Variants in LPAR3 observed in about 807,000 individuals in gnomAD.
The protein encoded by LPAR3 is LPA receptor 3.
LPAR3 carries 7 observed loss-of-function variants against 17.8 expected under a neutral mutation model. The observed-to-expected ratio is 0.39, with a 90% CI of 0.22 to 0.74. The LOEUF is 0.74. Among genes scored for constraint, LPAR3 ranks in the 30% least tolerant of loss-of-function variants. The pLI, the probability that LPAR3 is intolerant of heterozygous loss-of-function variation, is 0.40. For missense variants in LPAR3, 391 were observed against 453.4 expected, an observed-to-expected ratio of 0.86 and a Z score of 1.25; for synonymous variants, 179 against 179.9, an observed-to-expected ratio of 0.99 and a Z score of 0.04.
intron 2 of LPAR3, among the ~76,000 whole-genome samples, chr1:84,817,576 C>T (rs912412822): frequency 5.3e-5 from 8 of 152,182 alleles, no homozygotes; most frequent in African/African-American, 1.9e-4. Flanking sequence ...CTTAAGGCAA[C>T]ATCTCTGAAG....
intron 2 of LPAR3, among the ~76,000 whole-genome samples, chr1:84,817,385 G>C (rs1658956890): frequency 6.6e-6 from 1 of 152,078 alleles, no homozygotes; most frequent in Non-Finnish European, 1.5e-5. Context: ...AGAGCCTAGG[G>C]TGTGGAGGTG....
rs546531100 is a variant in LPAR3, at chr1:84,852,233, C to T, written c.736+13152G>A. On this transcript the variant is annotated intron_variant, in intron 2 of 2. Transcript: ENST00000370611. ...GAGTAGTTGGGACTACAGGTGTGCA[C>T]CACCACGCCTGGCTAATTTTTGTAT... 1.8e-4 allele frequency among the ~76,000 whole-genome samples: 28 copies of T among 151,780 alleles called. No homozygotes were observed. In the South Asian group the frequency reaches 3.6e-3, roughly 19 times the overall value.
intron 2 of LPAR3, among the ~76,000 whole-genome samples, chr1:84,838,194 A>G (rs1659441083): frequency 6.6e-6 from 1 of 152,196 alleles, no homozygotes; most frequent in African/African-American, 2.4e-5. Context: ...TCTGACGGTG[A>G]GGATCACTGT....
chr1:84,824,665 G>A (rs1659119100), intron 2 of LPAR3, among the ~76,000 whole-genome samples: 1 of 152,196 alleles, frequency 6.6e-6, no homozygotes, highest in Non-Finnish European at 1.5e-5. Context: ...TGTGGAAAGT[G>A]TCCAACACAG....
chr1:84,821,326 C>A (rs141833236), intron 2 of LPAR3, among the ~76,000 whole-genome samples: 3 of 152,314 alleles, frequency 2.0e-5, no homozygotes, highest in East Asian at 3.9e-4. Context: ...CACGTCCACA[C>A]ACTGAGGCCC....
intron 1 of LPAR3, among the ~76,000 whole-genome samples, chr1:84,869,842 A>C (rs1464447996): frequency 6.6e-6 from 1 of 152,230 alleles, no homozygotes; most frequent in African/African-American, 2.4e-5. Context: ...TTATTCTTAC[A>C]AGCACAGCAC....
intron 1 of LPAR3, among the ~76,000 whole-genome samples, chr1:84,879,482 T>A (rs1660323418): frequency 1.3e-5 from 2 of 151,992 alleles, no homozygotes. Flanking sequence ...CAGCTACTTT[T>A]TTGTATTTTT....
intron 2 of LPAR3, among the ~76,000 whole-genome samples, chr1:84,857,547 T>G (rs1389849412): frequency 6.6e-6 from 1 of 152,212 alleles, no homozygotes; most frequent in East Asian, 1.9e-4. Context: ...AGCTGTCATT[T>G]TCCAGGAGAT....
At chr1:84,879,767 C>T (rs1660328705) in intron 1 of LPAR3, among the ~76,000 whole-genome samples, 5 of 152,168 alleles carry the variant, frequency 3.3e-5, no homozygotes, top group Admixed American at 3.3e-4. Flanking sequence ...ATGAAGTGTG[C>T]TGCTGCCAGG....
chr1:84,851,888 C>T (rs902568208), intron 2 of LPAR3, among the ~76,000 whole-genome samples: 3 of 152,068 alleles, frequency 2.0e-5, no homozygotes, highest in African/African-American at 7.2e-5. Flanking sequence ...GCTAACTGTG[C>T]TTTTTAGGAA....
intron 1 of LPAR3, among the ~76,000 whole-genome samples, chr1:84,884,829 T>C (rs556544611): frequency 2.3e-4 from 35 of 152,326 alleles, no homozygotes; most frequent in African/African-American, 8.2e-4. Context: ...CTTCCCTCTG[T>C]TGGATGTTCC....
At chr1:84,867,998 T>C (rs1028508392) in intron 1 of LPAR3, among the ~76,000 whole-genome samples, 8 of 152,228 alleles carry the variant, frequency 5.3e-5, no homozygotes, top group African/African-American at 1.4e-4. Flanking sequence ...AATCTTTATA[T>C]ATCTAGCCAA....
In LPAR3 at chr1:84,851,121, A is replaced by T. The variant is rs536062839; in HGVS notation, c.736+14264T>A. Among the ~76,000 whole-genome samples the T allele has an allele frequency of 5.3e-5, 8 of 152,350 alleles. No homozygotes were observed. The South Asian group carries it at 1.2e-3, about 24-fold the overall frequency. On this transcript the variant is annotated intron_variant, in intron 2 of 2. Coordinates refer to ENST00000370611, the MANE Select transcript of LPAR3 (RefSeq NM_012152.3). ...AATGGCAGCATCACCTTCTAAGAGGATTAAACAGAGTATGTATAAATGCCT... is the reference window on the plus strand; with the variant it reads ...AATGGCAGCATCACCTTCTAAGAGGTTTAAACAGAGTATGTATAAATGCCT...
chr1:84,842,803 T>C (rs992176039), intron 2 of LPAR3, among the ~76,000 whole-genome samples: 6 of 152,200 alleles, frequency 3.9e-5, no homozygotes, highest in African/African-American at 1.4e-4. Context: ...TTTCAAAGTC[T>C]TCCAGGGGTG....
chr1:84,885,899 G>T (rs747725800), intron 1 of LPAR3, among the ~76,000 whole-genome samples: 1 of 152,214 alleles, frequency 6.6e-6, no homozygotes, highest in Non-Finnish European at 1.5e-5. Flanking sequence ...GGGAAGAACA[G>T]AAAGCTCTTT....
chr1:84,836,674 A>G (rs1353782269), intron 2 of LPAR3, among the ~76,000 whole-genome samples: 1 of 152,228 alleles, frequency 6.6e-6, no homozygotes, highest in Admixed American at 6.5e-5. Flanking sequence ...TGAAGCTGAG[A>G]TGGCCTTTCA....
chr1:84,836,006 C>CTTTTTTTTT (rs34491570), intron 2 of LPAR3, among the ~76,000 whole-genome samples: 4 of 61,760 alleles, frequency 6.5e-5, no homozygotes, highest in Non-Finnish European at 8.5e-5. Context: ...CAACCCCGGC[C>CTTTTTTTTT]TTTTTTTTTT....
intron 2 of LPAR3, among the ~76,000 whole-genome samples, chr1:84,817,468 T>C (rs2102743806): frequency 6.6e-6 from 1 of 152,264 alleles, no homozygotes; most frequent in South Asian, 2.1e-4. Context: ...AGATAAACTG[T>C]GCATCTCTTC....
chr1:84,817,041 T>A (rs754565756), intron 2 of LPAR3, among the ~76,000 whole-genome samples: 1 of 152,208 alleles, frequency 6.6e-6, no homozygotes, highest in Admixed American at 6.5e-5. Flanking sequence ...AGTTCCCAGA[T>A]GCGTACCTCT....
Sources: allele counts gnomAD v4.1 joint callset (sites outside exome capture counted in the v4.1 genomes callset), GRCh38; gene constraint gnomAD v4.1.1; transcripts MANE v1.5; gene names NCBI Gene and HGNC (gene_info 2026-07-23, HGNC 2026-07-21).